The following PCDHGA11 variants were observed in gnomAD, a reference collection of about 807,000 sequenced individuals.
PCDHGA11 encodes the protein protocadherin gamma subfamily A, 11.
PCDHGA11 carries 39 observed loss-of-function variants against 60.4 expected under a neutral mutation model. The observed-to-expected ratio is 0.65, with a 90% CI of 0.50 to 0.84. PCDHGA11 has a LOEUF of 0.84. Among genes scored for constraint, PCDHGA11 ranks in the 40% least tolerant of loss-of-function variants. The pLI is 0.00. For synonymous variants in PCDHGA11, 533 were observed against 510.3 expected (o/e 1.04, Z -0.60); for missense variants, 1,165 against 1,197.7 (o/e 0.97, Z 0.40).
Position 141,486,388 on chromosome 5 carries a change from C to T in PCDHGA11, c.2434-8419C>T, listed in dbSNP as rs2099628930. ...TCAAGTCTGCCTTCAGGAACCAGTT[C>T]TCCCTGGTGACTGCTGGACCCTTGG... On this transcript the variant is annotated intron_variant, in intron 1 of 3. Coordinates refer to ENST00000398587, the MANE Select transcript of PCDHGA11 (RefSeq NM_018914.3). This position sits in a 1 kb window ranked among gnomAD's most constrained non-coding sequence, Gnocchi z 5.0. 2 of 1,613,988 alleles carry T rather than the reference C, an allele frequency of 1.2e-6. No individual in the cohort carries two copies. The highest frequency in any genetic ancestry group is 2.7e-5 in the African/African-American group (2 of 74,924).
intron 1 of PCDHGA11, among the ~76,000 whole-genome samples, chr5:141,492,103 T>G (rs1458656062): frequency 6.6e-6 from 1 of 152,134 alleles, no homozygotes; most frequent in Non-Finnish European, 1.5e-5. Flanking sequence ...GTCTGTAGAT[T>G]TCCTCTTCGA....
intron 1 of PCDHGA11, among the ~76,000 whole-genome samples, chr5:141,456,919 C>T (rs2098898169): frequency 1.3e-5 from 2 of 152,124 alleles, no homozygotes; most frequent in South Asian, 4.1e-4. Context: ...GCCGAGATCG[C>T]ACCACTGCAC....
chr5:141,438,337 T>C (rs935624931), intron 1 of PCDHGA11, among the ~76,000 whole-genome samples: 25 of 151,926 alleles, frequency 1.6e-4, no homozygotes, highest in Non-Finnish European at 1.9e-4. Context: ...ACATGTCATA[T>C]AAGGATCTAC....
Position 141,431,103 on chromosome 5 carries a change from A to C in PCDHGA11, c.2433+7443A>C, listed in dbSNP as rs769542343. On this transcript the variant is annotated intron_variant, in intron 1 of 3. Coordinates refer to ENST00000398587, the MANE Select transcript of PCDHGA11 (RefSeq NM_018914.3). This position sits in a 1 kb window ranked among gnomAD's most constrained non-coding sequence, Gnocchi z 4.8. ...GACATTCTGATGGAGGATAAAGTGA[A>C]AATATATGGAGTAGAAGTAGAAGTA... 6.2e-7 allele frequency: 1 copy of C among 1,614,246 alleles called. No individual in the cohort carries two copies.
chr5:141,490,480 C>A lies in PCDHGA11; in HGVS notation c.2434-4327C>A, dbSNP rs564439931. ...GCTGCTAACCAGCCAGCCTTTGGAC[C>A]GGGAGGCCACATCCCACTATATCAT... On this transcript the variant is annotated intron_variant, in intron 1 of 3. Transcript: ENST00000398587. The surrounding 1 kb of genome is among the most constrained non-coding windows in gnomAD (Gnocchi z 5.4). 2.5e-5 allele frequency: 40 copies of A among 1,614,076 alleles called. No homozygotes were observed. The highest frequency in any genetic ancestry group is 5.9e-6 in the Non-Finnish European group (7 of 1,180,058).
chr5:141,508,741 C>G (rs2099871426), intron 3 of PCDHGA11, among the ~76,000 whole-genome samples: 1 of 152,042 alleles, frequency 6.6e-6, no homozygotes, highest in Non-Finnish European at 1.5e-5. Context: ...ACCCCCCACC[C>G]CGCTCTTTCT....
chr5:141,456,353 G>A (rs1041991824), intron 1 of PCDHGA11, among the ~76,000 whole-genome samples: 2 of 152,120 alleles, frequency 1.3e-5, no homozygotes, highest in South Asian at 2.1e-4. Context: ...GAAGAATGGC[G>A]TCCATGTGTG....
chr5:141,432,138 A>C lies in PCDHGA11; in HGVS notation c.2433+8478A>C, dbSNP rs2097456794. On this transcript the variant is annotated intron_variant, in intron 1 of 3. Coordinates refer to ENST00000398587, the MANE Select transcript of PCDHGA11 (RefSeq NM_018914.3). The surrounding 1 kb of genome is among the most constrained non-coding windows in gnomAD (Gnocchi z 6.0). ...TTCCCTCAGGCCTCCTATTCCGCTT[A>C]TATCCCAGAGAACAATCCCAGAGGA... 1 of 1,613,954 alleles carries C rather than the reference A, an allele frequency of 6.2e-7. No individual in the cohort carries two copies. Among genetic ancestry groups the C allele is most frequent in the African/African-American group, 1.3e-5 (1 of 74,882 alleles).
At chr5:141,428,241 A>C (rs1416124194) in intron 1 of PCDHGA11, 1 of 961,518 alleles carries the variant, frequency 1.0e-6, no homozygotes, top group Admixed American at 2.0e-5. Flanking sequence ...TGCAGGAGGC[A>C]CTGCCAGACT....
chr5:141,464,515 A>C (rs969421973), intron 1 of PCDHGA11, among the ~76,000 whole-genome samples: 4 of 152,028 alleles, frequency 2.6e-5, no homozygotes, highest in Non-Finnish European at 4.4e-5. Flanking sequence ...CATAAGGTAA[A>C]GGCATATGTA....
chr5:141,472,557 A>G (rs2099288029), intron 1 of PCDHGA11, among the ~76,000 whole-genome samples: 3 of 152,044 alleles, frequency 2.0e-5, no homozygotes, highest in Admixed American at 1.3e-4. Flanking sequence ...AAAAAATTAT[A>G]TTATAAATGC....
chr5:141,444,588 A>G (rs1486905298), intron 1 of PCDHGA11, among the ~76,000 whole-genome samples: 1 of 152,138 alleles, frequency 6.6e-6, no homozygotes, highest in Non-Finnish European at 1.5e-5. Flanking sequence ...CTTTCTACTT[A>G]CCTTATTTAA....
In PCDHGA11 at chr5:141,421,303, G is replaced by A. The variant is rs1456288695; in HGVS notation, c.76G>A (p.Gly26Arg). The change falls in exon 1 of 4, where the codon GGG becomes AGG. Residue 26 changes from glycine to arginine, a missense_variant. Physicochemically the swap from Gly to Arg is moderately radical, Grantham distance 125. Transcript: ENST00000398587. ...GTGCATTTTCCTGGGGACGCTGCGG[G>A]GGTTCCGGGCCAGGCAGATCCGATA... ...LLCIFLGTLR[G>R]FRARQIRYSV... 1 of 1,613,660 alleles carries A rather than the reference G, an allele frequency of 6.2e-7. No homozygotes were observed. The highest frequency in any genetic ancestry group is 8.5e-7 in the Non-Finnish European group (1 of 1,179,846).
chr5:141,442,227 T>G (rs953690152), intron 1 of PCDHGA11: 16 of 153,240 alleles, frequency 1.0e-4, no homozygotes, highest in African/African-American at 3.6e-4. Context: ...TTAATTTCCT[T>G]TTTATTCTTC....
chr5:141,494,903 G>A (rs760748707), intron 2 of PCDHGA11, 38 bp downstream of exon 2: 39 of 1,613,894 alleles, frequency 2.4e-5, no homozygotes, highest in Non-Finnish European at 3.1e-5. Context: ...TCTTCTCTGC[G>A]GCATTTTCTC....
chr5:141,433,642 C>A (rs1457700205), intron 1 of PCDHGA11, among the ~76,000 whole-genome samples: 2 of 152,170 alleles, frequency 1.3e-5, no homozygotes, highest in South Asian at 2.1e-4. Context: ...TTGAGACCAG[C>A]CTGACCAACA....
At position 141,428,093 on chromosome 5, in the gene PCDHGA11, C is replaced by T. The variant is rs577985465; in HGVS notation, c.2433+4433C>T. On this transcript the variant is annotated intron_variant, in intron 1 of 3. Transcript: ENST00000398587. ...ATTCGGGACACAACGCTTGGCTGTC[C>T]TACCACGTGCTGCAGGCCATCGAGC... 2.4e-4 allele frequency: 380 copies of T among 1,608,880 alleles called. 2 individuals are homozygous for T. The South Asian group carries it at 4.0e-3, about 17-fold the overall frequency.
chr5:141,510,837 GTCAAGGCCCAGGGTGC>G, intron 3 of PCDHGA11, 94 bp from the exon 4 acceptor site: 1 of 1,586,392 alleles, frequency 6.3e-7, no homozygotes, highest in Non-Finnish European at 8.6e-7. Flanking sequence ...GCTCAGCGTG[GTCAAGGCCCAGGGTGC>G]TGTATAGGCA....
chr5:141,473,848 A>T (rs1281010822), intron 1 of PCDHGA11, among the ~76,000 whole-genome samples: 1 of 152,198 alleles, frequency 6.6e-6, no homozygotes, highest in Non-Finnish European at 1.5e-5. Flanking sequence ...TTTTAGGAAG[A>T]TGAACCTCGC....
Sources: allele counts gnomAD v4.1 joint callset (sites outside exome capture counted in the v4.1 genomes callset), GRCh38; gene constraint gnomAD v4.1.1; non-coding constraint Gnocchi (gnomAD v3.1); transcripts MANE v1.5; gene names NCBI Gene and HGNC (gene_info 2026-07-23, HGNC 2026-07-21).